The following SETD7 variants were observed in gnomAD, a reference collection of about 807,000 sequenced individuals.
SETD7 encodes the protein SET domain containing 7, histone lysine methyltransferase.
A neutral mutation model predicts 41.8 loss-of-function variants in SETD7; 16 were observed. The observed-to-expected ratio is 0.38, with a 90% CI of 0.26 to 0.58. The LOEUF (loss-of-function observed/expected upper bound fraction) is 0.58. SETD7 is among the 20% of genes least tolerant of loss of function. The probability of loss-of-function intolerance (pLI) is 0.64; values close to 1 mark genes in which losing one functional copy is unlikely to be tolerated. For missense variants in SETD7, 346 were observed against 459.7 expected, an observed-to-expected ratio of 0.75 and a Z score of 2.26; for synonymous variants, 163 against 169.7, an observed-to-expected ratio of 0.96 and a Z score of 0.31.
Position 139,545,695 on chromosome 4 carries a change from C to T in SETD7, c.170+1225G>A, listed in dbSNP as rs186418658. On this transcript the variant is annotated intron_variant, in intron 2 of 7. Coordinates refer to ENST00000274031, the MANE Select transcript of SETD7 (RefSeq NM_030648.4). ...CTGAGAAATGTTACCCCCTTTAAAA[C>T]AACGCACTTTGCCTGCAGAAAAGGG... is the stretch of plus-strand genomic sequence containing the variant. 4.1e-4 allele frequency among the ~76,000 whole-genome samples: 62 copies of T among 152,284 alleles called. 1 individual carries two copies. The East Asian group carries it at 0.012, about 29-fold the overall frequency.
chr4:139,540,834 T>C (rs1194231714), intron 2 of SETD7, among the ~76,000 whole-genome samples: 3 of 151,858 alleles, frequency 2.0e-5, no homozygotes, highest in Non-Finnish European at 4.4e-5. Flanking sequence ...ATGTGGGAGG[T>C]TGGAATGCAT....
chr4:139,524,019 C>G (rs1446070506), intron 4 of SETD7, among the ~76,000 whole-genome samples: 1 of 152,194 alleles, frequency 6.6e-6, no homozygotes, highest in South Asian at 2.1e-4. Flanking sequence ...AACACTGGCT[C>G]TCTGTGAAGG....
At chr4:139,513,443 A>T (rs1000994579) in intron 7 of SETD7, among the ~76,000 whole-genome samples, 1 of 151,870 alleles carries the variant, frequency 6.6e-6, no homozygotes, top group African/African-American at 2.4e-5. Context: ...AAGAAAAAAA[A>T]GATTGGTGCT....
intron 3 of SETD7, among the ~76,000 whole-genome samples, chr4:139,530,609 T>C (rs1392009473): frequency 2.6e-5 from 4 of 152,134 alleles, no homozygotes; most frequent in African/African-American, 7.2e-5. Flanking sequence ...ATAAGAGCAT[T>C]TGTGCTTCTT....
chr4:139,499,546 T>A (rs1201262477), intron 7 of SETD7, among the ~76,000 whole-genome samples: 1 of 152,136 alleles, frequency 6.6e-6, no homozygotes, highest in Non-Finnish European at 1.5e-5. Context: ...TGCCACCTGG[T>A]CCCAAGACCC....
rs1726714591 is a variant in SETD7, at chr4:139,506,738, GT to G, written c.*4924del. The stretch of plus-strand genomic sequence containing the variant: ...TCAAGTTGAATATCATCATAAAGGA[GT>G]TTTTGTTTGTTTGTTTTTTCAATAA... On this transcript the variant is annotated 3_prime_UTR_variant, in exon 8 of 8. Coordinates refer to ENST00000274031, the MANE Select transcript of SETD7 (RefSeq NM_030648.4). 2 of 152,724 alleles carry G rather than the reference GT, an allele frequency of 1.3e-5. No homozygotes were observed. Among genetic ancestry groups the G allele is most frequent in the South Asian group, 4.1e-4 (2 of 4,830 alleles). 9.5% of individuals were successfully genotyped at this position (152,724 alleles called of 1,614,324 possible).
At chr4:139,521,536 C>A (rs1203987166) in intron 5 of SETD7, among the ~76,000 whole-genome samples, 2 of 152,176 alleles carry the variant, frequency 1.3e-5, no homozygotes, top group South Asian at 2.1e-4. Context: ...TTACATGGCT[C>A]TTATGCTTAT....
intron 2 of SETD7, among the ~76,000 whole-genome samples, chr4:139,535,132 A>T (rs1335600040): frequency 1.3e-5 from 2 of 149,830 alleles, no homozygotes; most frequent in East Asian, 1.9e-4. Flanking sequence ...TCCCACAATT[A>T]AAAAAAAAAT....
intron 7 of SETD7, among the ~76,000 whole-genome samples, chr4:139,513,287 G>A (rs1416379108): frequency 2.6e-5 from 4 of 151,848 alleles, no homozygotes; most frequent in Non-Finnish European, 1.5e-5. Context: ...GGGTGTGGTG[G>A]CGCACACCTG....
intron 2 of SETD7, chr4:139,546,716 G>T (rs1346577056): frequency 6.1e-6 from 4 of 654,590 alleles, no homozygotes; most frequent in Non-Finnish European, 7.6e-6. Context: ...AGACAGTGAT[G>T]ACAAGAGCTA....
At chr4:139,501,326 A>T, downstream of SETD7, among the ~76,000 whole-genome samples, 1 of 152,070 alleles carries the variant, frequency 6.6e-6, no homozygotes, top group Non-Finnish European at 1.5e-5. Context: ...TGAAGTAACC[A>T]AGGAATGAAA....
At chr4:139,533,919 T>A (rs1047748276) in intron 2 of SETD7, among the ~76,000 whole-genome samples, 1 of 152,210 alleles carries the variant, frequency 6.6e-6, no homozygotes. Flanking sequence ...ATCCCTTCCA[T>A]CTCCTTGGAA....
At position 139,514,385 on chromosome 4, in the gene SETD7, C is replaced by A. The variant is rs139879468; in HGVS notation, c.921-2542G>T. Among the ~76,000 whole-genome samples the A allele has an allele frequency of 1.0e-3, 154 of 152,240 alleles. 2 individuals are homozygous for A. In the South Asian group the frequency reaches 0.012, roughly 11 times the overall value. ...CACTGAAAAAAAACCAAAAAACAGA[C>A]CCTGTGTTGAATTTCCAGGCCTAGA... On this transcript the variant is annotated intron_variant, in intron 7 of 7. Coordinates refer to ENST00000274031, the MANE Select transcript of SETD7 (RefSeq NM_030648.4).
intron 7 of SETD7, among the ~76,000 whole-genome samples, chr4:139,497,920 C>T (rs1726496939): frequency 6.6e-6 from 1 of 152,084 alleles, no homozygotes; most frequent in Non-Finnish European, 1.5e-5. Flanking sequence ...TACAGCATGT[C>T]AGAAACAGTA....
chr4:139,536,115 G>C (rs1028906755), intron 2 of SETD7, among the ~76,000 whole-genome samples: 1 of 152,126 alleles, frequency 6.6e-6, no homozygotes, highest in Admixed American at 6.5e-5. Context: ...AGCAGAGACC[G>C]TATGTGGCCC....
chr4:139,523,931 TCTC>T (rs1256511961), intron 4 of SETD7, among the ~76,000 whole-genome samples: 1 of 152,206 alleles, frequency 6.6e-6, no homozygotes, highest in Non-Finnish European at 1.5e-5. Context: ...AACAAAGTAA[TCTC>T]CTTTCTATTA....
intron 4 of SETD7, 72 bp downstream of exon 4, chr4:139,528,959 A>G: frequency 7.8e-7 from 1 of 1,285,194 alleles, no homozygotes. Context: ...AAAGAAAAGA[A>G]GCTTGTCTCA....
At chr4:139,512,122 T>G (rs1344295396) in intron 7 of SETD7, among the ~76,000 whole-genome samples, 2 of 152,192 alleles carry the variant, frequency 1.3e-5, no homozygotes, top group Non-Finnish European at 2.9e-5. Flanking sequence ...ACTGCTCTGT[T>G]TTTTAAAGCA....
intron 2 of SETD7, among the ~76,000 whole-genome samples, chr4:139,537,164 G>A (rs558521616): frequency 2.0e-5 from 3 of 151,954 alleles, no homozygotes; most frequent in South Asian, 4.2e-4. Context: ...TAGTAGAGAC[G>A]GGGTTTCTTC....
Sources: gnomAD v4.1 joint callset for allele counts (sites outside exome capture counted in the v4.1 genomes callset) on GRCh38, gnomAD v4.1.1 for gene constraint, MANE v1.5 for transcripts, NCBI Gene and HGNC (gene_info 2026-07-23, HGNC 2026-07-21) for gene names.